Variants in CARHSP1 observed in about 807,000 individuals in gnomAD.
CARHSP1 encodes the protein calcium regulated heat stable protein 1.
In CARHSP1, 14 loss-of-function variants were observed where a neutral mutation model predicts 12.5. That is an observed-to-expected ratio of 1.12 (90% CI 0.74 to 1.75). The LOEUF is 1.75. Among genes scored for constraint, CARHSP1 ranks in the 40% most tolerant of loss-of-function variants. CARHSP1 has a pLI of 0.00. For missense variants in CARHSP1, 343 were observed against 201.6 expected, an observed-to-expected ratio of 1.70 and a Z score of -4.25; for synonymous variants, 161 against 82.0, an observed-to-expected ratio of 1.96 and a Z score of -5.20.
At position 8,854,481 on chromosome 16, in the gene CARHSP1, C is replaced by T. The variant is rs1369790877; in HGVS notation, c.*683G>A. 6.5e-6 allele frequency: 1 copy of T among 152,700 alleles called. No homozygotes were observed. The highest frequency in any genetic ancestry group is 1.5e-5 in the Non-Finnish European group (1 of 68,090). The allele number at this position is 152,700 out of a possible 1,614,324, so 9.5% of individuals were successfully genotyped here. A position where few individuals can be genotyped will look rare whatever the true frequency, so the allele number is the denominator to read the frequency against. On this transcript the variant is annotated 3_prime_UTR_variant, in exon 4 of 4. Transcript: ENST00000311052. Reference sequence around the variant, plus strand: ...TAAGAGGGGTTCAGCCTCCCAGTACCAGCCTGCTGTGCCCAGGGGTGGGAG... The same window carrying T: ...TAAGAGGGGTTCAGCCTCCCAGTACTAGCCTGCTGTGCCCAGGGGTGGGAG...
rs773534628 is a variant in CARHSP1, at chr16:8,858,332, G to A, written c.281+18C>T. 3 of 1,611,550 alleles carry A rather than the reference G, an allele frequency of 1.9e-6. No individual in the cohort carries two copies. Among genetic ancestry groups the A allele is most frequent in the Admixed American group, 1.7e-5 (1 of 59,892 alleles). On this transcript the variant is annotated intron_variant, in intron 3 of 3. Coordinates refer to ENST00000311052, the MANE Select transcript of CARHSP1 (RefSeq NM_014316.4). ...GCGCCCACCCCAGCCAGGCCACCCA[G>A]ACCTGCCGCTGACTCACTCAGAGAT...
chr16:8,861,361 G>C (rs1263957140), intron 1 of CARHSP1, among the ~76,000 whole-genome samples: 1 of 151,230 alleles, frequency 6.6e-6, no homozygotes, highest in Admixed American at 6.6e-5. Context: ...CAAAATCCAG[G>C]TTTCCAGCTG....
chr16:8,857,812 A>C (rs1475164339), intron 3 of CARHSP1: 1 of 133,146 alleles, frequency 7.5e-6, no homozygotes, highest in Non-Finnish European at 1.5e-5. Flanking sequence ...CCCAGGCTGG[A>C]GTGCAGTGGC....
At chr16:8,858,713 G>A in intron 2 of CARHSP1, 1 of 531,120 alleles carries the variant, frequency 1.9e-6, no homozygotes, top group South Asian at 2.6e-5. Context: ...CCTGGAAAGA[G>A]GGAGTTGAAC....
intron 1 of CARHSP1, among the ~76,000 whole-genome samples, chr16:8,863,901 T>C (rs2061412077): frequency 1.3e-5 from 2 of 152,148 alleles, no homozygotes; most frequent in African/African-American, 4.8e-5. Context: ...AGTCCCAGCT[T>C]CCAGCCAGCC....
chr16:8,862,251 T>G (rs146044301), intron 1 of CARHSP1, among the ~76,000 whole-genome samples: 57 of 152,142 alleles, frequency 3.7e-4, no homozygotes, highest in African/African-American at 1.4e-3. Context: ...GGGCCTCAGT[T>G]TCCACATCTG....
intron 1 of CARHSP1, among the ~76,000 whole-genome samples, chr16:8,867,002 T>C (rs982669804): frequency 5.3e-5 from 8 of 152,008 alleles, no homozygotes; most frequent in African/African-American, 1.9e-4. Flanking sequence ...CCTCCAACAT[T>C]GCCATTGCCT....
chr16:8,856,967 A>G (rs182378844), intron 3 of CARHSP1, among the ~76,000 whole-genome samples: 1 of 152,046 alleles, frequency 6.6e-6, no homozygotes, highest in East Asian at 1.9e-4. Flanking sequence ...GAGGAGAAAG[A>G]CCCACCCCAA....
intron 1 of CARHSP1, among the ~76,000 whole-genome samples, chr16:8,862,342 A>G (rs893207906): frequency 6.6e-6 from 1 of 152,098 alleles, no homozygotes; most frequent in Non-Finnish European, 1.5e-5. Context: ...AGCACTGGGC[A>G]CACTGTCCGC....
At position 8,857,263 on chromosome 16, in the gene CARHSP1, G is replaced by GTTTTTTGTTT. The variant is rs1315960023; in HGVS notation, c.281+1086_281+1087insAAACAAAAAA. 8.9e-4 allele frequency among the ~76,000 whole-genome samples: 51 copies of GTTTTTTGTTT among 57,030 alleles called. 2 individuals are homozygous for GTTTTTTGTTT. Among genetic ancestry groups the GTTTTTTGTTT allele is most frequent in the African/African-American group, 1.8e-3 (33 of 17,914 alleles). 37.4% of individuals were successfully genotyped at this position (57,030 alleles called of 152,430 possible). A position where few individuals can be genotyped will look rare whatever the true frequency, so the allele number is the denominator to read the frequency against. On this transcript the variant is annotated intron_variant, in intron 3 of 3. Transcript: ENST00000311052. ...TGGCTATGTGATCTTGGGCAGATCTGTTTTTTTTTTTTTTTTTTTTTTTTT... is the reference window on the plus strand; with the variant it reads ...TGGCTATGTGATCTTGGGCAGATCTGTTTTTTGTTTTTTTTTTTTTTTTTTTTTTTTTTTT...
chr16:8,859,551 A>G (rs947609338), intron 1 of CARHSP1, among the ~76,000 whole-genome samples: 6 of 151,928 alleles, frequency 3.9e-5, no homozygotes, highest in East Asian at 2.0e-4. Context: ...ATAGCTCTTC[A>G]TGAAAATGCC....
rs751447832 is a variant in CARHSP1 at position 8,859,330 on chromosome 16, G to A, written c.-2C>T. 9 of 1,599,262 alleles carry A rather than the reference G, an allele frequency of 5.6e-6. No individual in the cohort carries two copies. The highest frequency in any genetic ancestry group is 4.1e-5 in the African/African-American group (3 of 73,844). ...TGGTGGGGGAGGCTCAGATGACATG[G>A]CTGACCTGGAAAGAGAAGAGGCTGT... On this transcript the variant is annotated 5_prime_UTR_variant, in exon 2 of 4. Transcript: ENST00000311052.
At chr16:8,868,261 A>T (rs75598828) in intron 1 of CARHSP1, 3,777 of 152,212 alleles carry the variant, frequency 0.025, 55 homozygotes, top group Middle Eastern at 0.048. Flanking sequence ...AACCCCAGAA[A>T]ACCATAGGGC....
chr16:8,857,302 G>A lies in CARHSP1; in HGVS notation c.281+1048C>T, dbSNP rs1157411255. ...TTTTTTTTTTTTTTTTTTTTTTTGA[G>A]ATGGAGTTTTGCTCTTGTTGCCCAG... On this transcript the variant is annotated intron_variant, in intron 3 of 3. Transcript: ENST00000311052. Among the ~76,000 whole-genome samples the A allele has an allele frequency of 2.9e-4, 9 of 30,820 alleles. 1 individual carries two copies. The highest frequency in any genetic ancestry group is 5.4e-4 in the Non-Finnish European group (8 of 14,722). The allele number at this position is 30,820 out of a possible 152,430, so 20.2% of individuals were successfully genotyped here.
intron 3 of CARHSP1, 138 bp downstream of exon 3, chr16:8,858,212 A>C: frequency 2.0e-6 from 2 of 1,023,468 alleles, no homozygotes; most frequent in South Asian, 1.6e-5. Context: ...CTGGAGCACC[A>C]GCCACAGGCA....
intron 1 of CARHSP1, among the ~76,000 whole-genome samples, chr16:8,862,631 G>C (rs2061386393): frequency 6.6e-6 from 1 of 152,158 alleles, no homozygotes; most frequent in South Asian, 2.1e-4. Context: ...GCAAGAAAGG[G>C]GTAGCCATTT....
chr16:8,857,263 G>GTTTTTTGTTTTTTTTTTTTTT lies in CARHSP1; in HGVS notation c.281+1086_281+1087insAAAAAAAAAAAAAACAAAAAA, dbSNP rs1315960023. On this transcript the variant is annotated intron_variant, in intron 3 of 3. Transcript: ENST00000311052. ...TGGCTATGTGATCTTGGGCAGATCTGTTTTTTTTTTTTTTTTTTTTTTTTT... is the reference window on the plus strand; with the variant it reads ...TGGCTATGTGATCTTGGGCAGATCTGTTTTTTGTTTTTTTTTTTTTTTTTTTTTTTTTTTTTTTTTTTTTTT... 6.5e-4 allele frequency among the ~76,000 whole-genome samples: 37 copies of GTTTTTTGTTTTTTTTTTTTTT among 57,038 alleles called. 2 individuals carry two copies. The highest frequency in any genetic ancestry group is 1.8e-3 in the East Asian group (2 of 1,120). 37.4% of individuals were successfully genotyped at this position (57,038 alleles called of 152,430 possible). A position where few individuals can be genotyped will look rare whatever the true frequency, so the allele number is the denominator to read the frequency against.
At chr16:8,863,971 T>C (rs865968545) in intron 1 of CARHSP1, among the ~76,000 whole-genome samples, 4 of 152,256 alleles carry the variant, frequency 2.6e-5, no homozygotes, top group Middle Eastern at 6.8e-3. Context: ...AGACAGGGCC[T>C]GCCCTCTGTG....
intron 1 of CARHSP1, among the ~76,000 whole-genome samples, chr16:8,864,764 G>GC (rs2061427505): frequency 6.6e-6 from 1 of 152,216 alleles, no homozygotes; most frequent in Admixed American, 6.5e-5. Context: ...CACCCTGACT[G>GC]CCCCAGGGAT....
Sources: allele counts gnomAD v4.1 joint callset (sites outside exome capture counted in the v4.1 genomes callset), GRCh38; gene constraint gnomAD v4.1.1; transcripts MANE v1.5; gene names NCBI Gene and HGNC (gene_info 2026-07-23, HGNC 2026-07-21).